CAPN13: variants seen among roughly 807,000 people sequenced by gnomAD.
CAPN13 encodes the protein calpain 13.
In CAPN13, 90 loss-of-function variants were observed where a neutral mutation model predicts 98.4. That is an observed-to-expected ratio of 0.92 (90% confidence interval 0.77 to 1.09). CAPN13 has a LOEUF of 1.09. CAPN13 is among the 50% of genes least tolerant of loss of function. CAPN13 has a pLI of 0.00. For synonymous variants in CAPN13, 330 were observed against 305.5 expected (o/e 1.08, Z -0.84); for missense variants, 887 against 841.3 (o/e 1.05, Z -0.67).
chr2:30,741,973 A>T lies in CAPN13; in HGVS notation c.1480-9T>A. The stretch of plus-strand genomic sequence containing the variant: ...TGTTCTGAAGGGCTTCCCTGGATCA[A>T]AGGGAAAATAGTCAATGTTAGACTT... On this transcript the variant is annotated splice_polypyrimidine_tract_variant and intron_variant, in intron 14 of 22. Coordinates refer to ENST00000295055, the MANE Select transcript of CAPN13 (RefSeq NM_144575.3). 6.2e-7 allele frequency: 1 copy of T among 1,612,438 alleles called. No individual in the cohort carries two copies. Among genetic ancestry groups the T allele is most frequent in the Non-Finnish European group, 8.5e-7 (1 of 1,178,514 alleles).
Position 30,738,399 on chromosome 2 carries a change from C to T in CAPN13, c.1594+1G>A, listed in dbSNP as rs777187044. ...CCAGCTTGCCCTTGGGCTGCTCATA[C>T]CTGTTAGAAGCTCCTGGTTGAGAAG... On this transcript the variant is annotated splice_donor_variant, in intron 16 of 22. Transcript: ENST00000295055. LOFTEE classifies it high-confidence loss of function. 6.2e-7 allele frequency: 1 copy of T among 1,609,272 alleles called. No individual in the cohort carries two copies. Among genetic ancestry groups the T allele is most frequent in the Non-Finnish European group, 8.5e-7 (1 of 1,177,590 alleles).
At chr2:30,754,063 C>A (rs189280553) in intron 9 of CAPN13, among the ~76,000 whole-genome samples, 10 of 152,288 alleles carry the variant, frequency 6.6e-5, no homozygotes, top group African/African-American at 2.2e-4. Flanking sequence ...ATTAAAATGT[C>A]CTGGAAAGTT....
chr2:30,732,398 C>T, intron 20 of CAPN13, 40 bp downstream of exon 20: 1 of 1,610,472 alleles, frequency 6.2e-7, no homozygotes, highest in South Asian at 1.1e-5. Context: ...GTTCTTCGGT[C>T]ACTGCCAAGG....
At chr2:30,743,013 C>T in intron 13 of CAPN13, 1 of 270,452 alleles carries the variant, frequency 3.7e-6, no homozygotes, top group African/African-American at 2.2e-5. Context: ...ATGCTTTTTT[C>T]TTCTACCTAC....
chr2:30,743,543 A>C lies in CAPN13; in HGVS notation c.1285T>G (p.Ser429Ala). The C allele has an allele frequency of 6.2e-7, 1 of 1,614,002 alleles. No homozygotes were observed. Among genetic ancestry groups the C allele is most frequent in the East Asian group, 2.2e-5 (1 of 44,888 alleles). ...REKFPPVFFS[S>A]FRNTVQSSNN... ...GAGCTTTGGACAGTGTTTCTGAACG[A>C]GGAAAAAAACACGGGTGGAAATTTC... Residue 429 changes from serine (S) to alanine (A), a missense_variant, in exon 13 of 23, where the codon TCG (serine) becomes GCG (alanine). Ser to Ala is a moderately conservative substitution (Grantham distance 99). Transcript: ENST00000295055.
chr2:30,800,023 G>A (rs1425977101), intron 1 of CAPN13, among the ~76,000 whole-genome samples: 3 of 151,632 alleles, frequency 2.0e-5, no homozygotes, highest in Admixed American at 6.6e-5. Context: ...GCAGTGAGCC[G>A]AGATTGCGCC....
rs922616737 is a variant in CAPN13, at chr2:30,770,440, A to T, written c.397T>A (p.Cys133Ser). ...ATCACCACTTCCACCCACTGGCCAC[A>T]TTGCCAGAACTGGAAGAGAGCCAAG... ...AGIFRFRFWQ[C>S]GQWVEVVIDD... Residue 133 changes from cysteine to serine, a missense_variant, in exon 5 of 23, where the codon TGT (cysteine) becomes AGT (serine). Transcript: ENST00000295055. The T allele has an allele frequency of 3.1e-6, 5 of 1,613,808 alleles. No individual in the cohort carries two copies. Among genetic ancestry groups the T allele is most frequent in the Non-Finnish European group, 2.5e-6 (3 of 1,179,824 alleles).
At chr2:30,744,889 C>G (rs1671832721) in intron 12 of CAPN13, among the ~76,000 whole-genome samples, 1 of 152,210 alleles carries the variant, frequency 6.6e-6, no homozygotes, top group African/African-American at 2.4e-5. Flanking sequence ...ACCTGAGACG[C>G]TGATGGCTCC....
chr2:30,732,684 C>G, intron 19 of CAPN13, 118 bp from the exon 20 acceptor site: 2 of 1,300,910 alleles, frequency 1.5e-6, no homozygotes, highest in South Asian at 2.7e-5. Context: ...ACTCCTCCCA[C>G]TCAGCCCCCT....
intron 1 of CAPN13, among the ~76,000 whole-genome samples, chr2:30,798,351 C>T (rs979893232): frequency 2.0e-5 from 3 of 152,166 alleles, no homozygotes; most frequent in East Asian, 3.9e-4. Context: ...TGACTCTACA[C>T]GGGGTCCCAG....
At chr2:30,752,677 CA>C (rs1187526328) in intron 10 of CAPN13, among the ~76,000 whole-genome samples, 2 of 152,196 alleles carry the variant, frequency 1.3e-5, no homozygotes, top group Non-Finnish European at 2.9e-5. Context: ...CAGTATGTGG[CA>C]AAGACAAGGG....
intron 2 of CAPN13, among the ~76,000 whole-genome samples, chr2:30,783,686 T>G (rs1674108355): frequency 6.6e-6 from 1 of 152,202 alleles, no homozygotes; most frequent in Non-Finnish European, 1.5e-5. Flanking sequence ...AACAGAATGA[T>G]GTCCCTTGTG....
Position 30,776,874 on chromosome 2 carries a change from G to A in CAPN13, c.271+693C>T, listed in dbSNP as rs535742535. 4.7e-4 allele frequency among the ~76,000 whole-genome samples: 71 copies of A among 152,308 alleles called. 1 individual carries two copies. In the South Asian group the frequency reaches 0.01, roughly 22 times the overall value. On this transcript the variant is annotated intron_variant, in intron 3 of 22. Coordinates refer to ENST00000295055, the MANE Select transcript of CAPN13 (RefSeq NM_144575.3). ...TCCAGTTAGGTGAAACTCCAACAGG[G>A]GAACCCTTGGCTGGTGGCCAGGCAG...
intron 15 of CAPN13, among the ~76,000 whole-genome samples, chr2:30,740,605 G>A (rs1210792884): frequency 1.3e-5 from 2 of 152,236 alleles, no homozygotes; most frequent in South Asian, 4.1e-4. Context: ...TCTCTTTTCT[G>A]CTTCCCAGCC....
At position 30,738,475 on chromosome 2, in the gene CAPN13, G is replaced by A. The variant is rs748567291; in HGVS notation, c.1537-18C>T. On this transcript the variant is annotated intron_variant, in intron 15 of 22. Transcript: ENST00000295055. ...TCCAGCCTCTGATCCAAACAAGGAA[G>A]GAATGCAGGAATTATATCAGTGCCA... 2.5e-6 allele frequency: 4 copies of A among 1,592,648 alleles called. No homozygotes were observed. Among genetic ancestry groups the A allele is most frequent in the Middle Eastern group, 3.3e-4 (2 of 6,060 alleles).
At chr2:30,777,745 G>A in intron 2 of CAPN13, 106 bp from the exon 3 acceptor site, 1 of 938,556 alleles carries the variant, frequency 1.1e-6, no homozygotes, top group East Asian at 2.6e-5. Context: ...TCTTAAATAG[G>A]TGCTTAAAAT....
At chr2:30,798,207 T>A (rs550537510) in intron 1 of CAPN13, among the ~76,000 whole-genome samples, 3 of 152,362 alleles carry the variant, frequency 2.0e-5, no homozygotes, top group Non-Finnish European at 1.5e-5. Flanking sequence ...TTAAATAATT[T>A]GCATTTAAAT....
rs765329514 is a variant in CAPN13, at chr2:30,732,585, G to A, written c.1799-19C>T. 20 of 1,599,688 alleles carry A rather than the reference G, an allele frequency of 1.3e-5. No individual in the cohort carries two copies. The African/African-American group carries it at 1.3e-4, about 11-fold the overall frequency. On this transcript the variant is annotated intron_variant, in intron 19 of 22. Coordinates refer to ENST00000295055, the MANE Select transcript of CAPN13 (RefSeq NM_144575.3). ...AGGAAGTCTGGGGCCACAGGTGAACGAGTGAGTGAGAGGAGGCTAGGGCTC... is the reference window on the plus strand; with the variant it reads ...AGGAAGTCTGGGGCCACAGGTGAACAAGTGAGTGAGAGGAGGCTAGGGCTC...
At chr2:30,778,896 G>A (rs540573910) in intron 2 of CAPN13, among the ~76,000 whole-genome samples, 1 of 152,316 alleles carries the variant, frequency 6.6e-6, no homozygotes, top group Admixed American at 6.5e-5. Context: ...CAGAACTTTG[G>A]CATTTCCTCC....
Sources: allele counts gnomAD v4.1 joint callset (sites outside exome capture counted in the v4.1 genomes callset), GRCh38; gene constraint gnomAD v4.1.1; transcripts MANE v1.5; gene names NCBI Gene and HGNC (gene_info 2026-07-23, HGNC 2026-07-21).